Variants in CDH18 observed in about 807,000 individuals in gnomAD.
The protein encoded by CDH18 is cadherin 18, also known as cadherin-18.
In CDH18, 31 loss-of-function variants were observed where a neutral mutation model predicts 67.9. The observed-to-expected ratio is 0.46, with a 90% CI of 0.34 to 0.62. The LOEUF (loss-of-function observed/expected upper bound fraction) is 0.62. Ranked by LOEUF, CDH18 falls within the 20% of genes least tolerant of loss-of-function variation. The pLI is 0.01. For synonymous variants in CDH18, 362 were observed against 347.2 expected (o/e 1.04, Z -0.48); for missense variants, 890 against 975.5 (o/e 0.91, Z 1.17).
At chr5:20,509,505 C>T (rs1044879066) in intron 1 of CDH18, among the ~76,000 whole-genome samples, 13 of 147,780 alleles carry the variant, frequency 8.8e-5, no homozygotes, top group African/African-American at 3.0e-4. Context: ...CAGGTTCAAG[C>T]TGAGGCAAGA....
chr5:20,275,564 T>C (rs950462380), intron 1 of CDH18, among the ~76,000 whole-genome samples: 4 of 152,186 alleles, frequency 2.6e-5, no homozygotes, highest in Non-Finnish European at 5.9e-5. Context: ...CTTTATGGCA[T>C]TTTCCATGAA....
chr5:19,765,154 C>A (rs1324145014), intron 3 of CDH18, among the ~76,000 whole-genome samples: 2 of 152,094 alleles, frequency 1.3e-5, no homozygotes, highest in Non-Finnish European at 2.9e-5. Flanking sequence ...AAATCCAATT[C>A]AATGTAACTG....
At chr5:19,792,260 T>C (rs1042318882) in intron 3 of CDH18, among the ~76,000 whole-genome samples, 1 of 152,072 alleles carries the variant, frequency 6.6e-6, no homozygotes, top group Non-Finnish European at 1.5e-5. Context: ...GGTGAATTTT[T>C]TCTCTCTCTT....
intron 5 of CDH18, among the ~76,000 whole-genome samples, chr5:19,653,050 A>AT (rs1045647704): frequency 2.8e-4 from 41 of 147,916 alleles, no homozygotes; most frequent in Middle Eastern, 3.4e-3. Flanking sequence ...GGGAAAACAC[A>AT]TTTTTTTTTT....
At chr5:20,068,058 A>C (rs1743138578) in intron 2 of CDH18, among the ~76,000 whole-genome samples, 1 of 152,048 alleles carries the variant, frequency 6.6e-6, no homozygotes, top group Non-Finnish European at 1.5e-5. Flanking sequence ...CCCCTGTCCC[A>C]ATACACACTT....
rs573551080 is a variant in CDH18, at chr5:19,903,026, A to T, written c.-256-63784T>A. ...TAAAATATTCAAAATATAAAAATACATTATTTAATTTAAATAATTATTCTA... is the reference window on the plus strand; with the variant it reads ...TAAAATATTCAAAATATAAAAATACTTTATTTAATTTAAATAATTATTCTA... On this transcript the variant is annotated intron_variant, in intron 2 of 12. Transcript: ENST00000382275. Among the ~76,000 whole-genome samples, 9 of 152,082 alleles carry T rather than the reference A, an allele frequency of 5.9e-5. No individual in the cohort carries two copies. The East Asian group carries it at 1.7e-3, about 29-fold the overall frequency.
intron 2 of CDH18, among the ~76,000 whole-genome samples, chr5:19,844,754 C>A (rs925234174): frequency 6.6e-6 from 1 of 152,160 alleles, no homozygotes; most frequent in Non-Finnish European, 1.5e-5. Context: ...GCAGATATGA[C>A]AGACAGAATC....
At chr5:19,816,375 T>C (rs1334134414) in intron 3 of CDH18, among the ~76,000 whole-genome samples, 1 of 151,882 alleles carries the variant, frequency 6.6e-6, no homozygotes, top group Non-Finnish European at 1.5e-5. Flanking sequence ...GAAAATAATA[T>C]GCATTTATGG....
At chr5:20,384,083 T>C (rs1744119383) in intron 1 of CDH18, among the ~76,000 whole-genome samples, 1 of 152,124 alleles carries the variant, frequency 6.6e-6, no homozygotes, top group Non-Finnish European at 1.5e-5. Flanking sequence ...TAGAGAATTT[T>C]CCCTCCTTTT....
Position 19,899,127 on chromosome 5 carries a change from C to T in CDH18, c.-256-59885G>A, listed in dbSNP as rs140444091. Among the ~76,000 whole-genome samples, 882 of 152,222 alleles carry T rather than the reference C, an allele frequency of 5.8e-3. 12 individuals carry two copies. The highest frequency in any genetic ancestry group is 0.02 in the African/African-American group (834 of 41,542). ...ATAAGATATCGTCTCAGGCCAGGCA[C>T]GGTGGCTCACGCCTGTAATCCCAGC... On this transcript the variant is annotated intron_variant, in intron 2 of 12. Transcript: ENST00000382275.
chr5:20,004,458 G>A (rs1736724088), intron 2 of CDH18, among the ~76,000 whole-genome samples: 1 of 152,124 alleles, frequency 6.6e-6, no homozygotes, highest in African/African-American at 2.4e-5. Flanking sequence ...GGGGTCGATT[G>A]GAGAGAACAC....
intron 2 of CDH18, among the ~76,000 whole-genome samples, chr5:20,056,250 C>A (rs1191326892): frequency 1.3e-5 from 2 of 149,420 alleles, no homozygotes; most frequent in African/African-American, 4.9e-5. Context: ...GTGATCCACC[C>A]GCCTTGGCCT....
At chr5:20,415,520 TC>T (rs1747222364) in intron 1 of CDH18, among the ~76,000 whole-genome samples, 1 of 152,094 alleles carries the variant, frequency 6.6e-6, no homozygotes, top group Admixed American at 6.5e-5. Context: ...ATGCCTGTAA[TC>T]CCAGAACTTT....
intron 1 of CDH18, among the ~76,000 whole-genome samples, chr5:20,385,549 T>G (rs2150107146): frequency 6.6e-6 from 1 of 152,316 alleles, no homozygotes; most frequent in African/African-American, 2.4e-5. Context: ...CCAAATGTGT[T>G]TCTAGTCTCT....
At chr5:19,949,443 C>A (rs1795581736) in intron 2 of CDH18, among the ~76,000 whole-genome samples, 1 of 152,002 alleles carries the variant, frequency 6.6e-6, no homozygotes, top group Non-Finnish European at 1.5e-5. Flanking sequence ...GCAGACTGTG[C>A]CCTCACAGCT....
At chr5:20,471,201 T>C (rs545805320) in intron 1 of CDH18, among the ~76,000 whole-genome samples, 2 of 152,294 alleles carry the variant, frequency 1.3e-5, no homozygotes, top group South Asian at 4.1e-4. Context: ...TTTGACACTG[T>C]TGATCACTTC....
chr5:19,594,124 T>C (rs1287079273), intron 6 of CDH18, among the ~76,000 whole-genome samples: 1 of 152,090 alleles, frequency 6.6e-6, no homozygotes, highest in Non-Finnish European at 1.5e-5. Flanking sequence ...TGTATATAGA[T>C]AATGAGTTTT....
chr5:19,560,827 C>T (rs904888853), intron 8 of CDH18, among the ~76,000 whole-genome samples: 12 of 151,642 alleles, frequency 7.9e-5, no homozygotes, highest in Middle Eastern at 6.8e-3. Flanking sequence ...AAAAAAAAAT[C>T]CCATCAAAAA....
intron 10 of CDH18, among the ~76,000 whole-genome samples, chr5:19,513,262 C>A (rs1210074133): frequency 6.6e-6 from 1 of 152,038 alleles, no homozygotes; most frequent in Non-Finnish European, 1.5e-5. Flanking sequence ...CATGAGCCAC[C>A]AAGCCCAGCT....
Sources: gnomAD v4.1 joint callset for allele counts (sites outside exome capture counted in the v4.1 genomes callset) on GRCh38, gnomAD v4.1.1 for gene constraint, MANE v1.5 for transcripts, NCBI Gene and HGNC (gene_info 2026-07-23, HGNC 2026-07-21) for gene names.